Variants in SLC2A9 observed in about 807,000 individuals in gnomAD.
SLC2A9 encodes solute carrier family 2 member 9, also known as solute carrier family 2, facilitated glucose transporter member 9.
SLC2A9 carries 39 observed loss-of-function variants against 50.6 expected under a neutral mutation model. That is an observed-to-expected ratio of 0.77 (90% CI 0.60 to 1.01). SLC2A9 has a LOEUF of 1.01. SLC2A9 is among the 50% of genes least tolerant of loss of function. SLC2A9 has a pLI of 0.00. For missense variants in SLC2A9, 686 were observed against 677.6 expected (o/e 1.01, Z -0.14); for synonymous variants, 324 against 276.9 (o/e 1.17, Z -1.69).
intron 1 of SLC2A9, among the ~76,000 whole-genome samples, chr4:9,774,107 C>T (rs1276563335): frequency 5.3e-5 from 8 of 151,896 alleles, no homozygotes; most frequent in Non-Finnish European, 1.0e-4. Flanking sequence ...GATTCTTCTC[C>T]CTCAGCCTCC....
chr4:9,973,605 G>A lies in SLC2A9; in HGVS notation c.681+6987C>T, dbSNP rs191879521. Among the ~76,000 whole-genome samples the A allele has an allele frequency of 8.9e-3, 1,344 of 150,272 alleles. 18 individuals carry two copies. The highest frequency in any genetic ancestry group is 0.014 in the Non-Finnish European group (931 of 67,666). Reference sequence around the variant, plus strand: ...AAGCCATCATTCTCAGCAAACTATCGCAAGGACAAAAAACCAAACACCGCA... The same window carrying A: ...AAGCCATCATTCTCAGCAAACTATCACAAGGACAAAAAACCAAACACCGCA... On this transcript the variant is annotated intron_variant, in intron 5 of 11. Transcript: ENST00000264784.
chr4:9,817,311 C>T (rs1294215126), intron 3 of SLC2A9, among the ~76,000 whole-genome samples: 2 of 152,246 alleles, frequency 1.3e-5, no homozygotes, highest in Non-Finnish European at 2.9e-5. Context: ...GGCCATGATG[C>T]TGCCTGATAT....
chr4:9,809,831 G>A lies in SLC2A9; in HGVS notation n.421-10590C>T, dbSNP rs116469074. On this transcript the variant is annotated intron_variant and non_coding_transcript_variant, in intron 3 of 3. Coordinates refer to the SLC2A9 transcript ENST00000503280. ...CAACCTATACAACCCTAATCTAGCC[G>A]CCATCAACAAGTTTTCTTTTCTTTT... Among the ~76,000 whole-genome samples, 9 of 151,282 alleles carry A rather than the reference G, an allele frequency of 5.9e-5. No individual in the cohort carries two copies. The East Asian group carries it at 7.8e-4, about 13-fold the overall frequency.
At chr4:9,782,312 A>G (rs1417894577) in intron 3 of SLC2A9, 1 of 1,613,996 alleles carries the variant, frequency 6.2e-7, no homozygotes, top group Non-Finnish European at 8.5e-7. Flanking sequence ...GCTGCTGGTC[A>G]TGCCCTGGAA....
intron 10 of SLC2A9, among the ~76,000 whole-genome samples, chr4:9,874,661 T>A (rs576183921): frequency 6.6e-6 from 1 of 152,374 alleles, no homozygotes; most frequent in African/African-American, 2.4e-5. Flanking sequence ...TGCTTGTGAG[T>A]TGATGTAGGA....
chr4:9,943,279 A>G (rs1046128962), intron 5 of SLC2A9, among the ~76,000 whole-genome samples: 3 of 152,172 alleles, frequency 2.0e-5, no homozygotes, highest in Admixed American at 6.5e-5. Flanking sequence ...TGGTCCAATC[A>G]TCATCTCCAT....
chr4:9,879,422 G>T, intron 10 of SLC2A9: 1 of 985,266 alleles, frequency 1.0e-6, no homozygotes, highest in Non-Finnish European at 1.2e-6. Context: ...GGGGCAGGGG[G>T]CAGCTGCCTG....
chr4:9,802,311 A>T (rs534448438), intron 3 of SLC2A9, among the ~76,000 whole-genome samples: 3 of 151,612 alleles, frequency 2.0e-5, no homozygotes, highest in African/African-American at 7.3e-5. Context: ...AGAAGTAATG[A>T]ATTTCAAAGA....
At chr4:9,952,064 C>A (rs1047541810) in intron 5 of SLC2A9, among the ~76,000 whole-genome samples, 9 of 152,182 alleles carry the variant, frequency 5.9e-5, no homozygotes, top group African/African-American at 1.7e-4. Context: ...GGGTCCTGAA[C>A]CCTGGTCCTG....
At position 9,920,474 on chromosome 4, in the gene SLC2A9, G is replaced by A; in HGVS notation, c.913C>T (p.Leu305=). The A allele has an allele frequency of 1.2e-6, 2 of 1,614,178 alleles. No individual in the cohort carries two copies. Among genetic ancestry groups the A allele is most frequent in the South Asian group, 1.1e-5 (1 of 91,074 alleles). Reference sequence around the variant, plus strand: ...ACGTAGGGAGCTCTCAGCAGCTCCAGCACGGACACCAGGCGGATGCTCCTC... The same window carrying A: ...ACGTAGGGAGCTCTCAGCAGCTCCAACACGGACACCAGGCGGATGCTCCTC... ...VQRSIRLVSV[L]ELLRAPYVRW... The change falls in exon 7 of 12, where the codon CTG becomes TTG. Residue 305 remains leucine, a synonymous_variant. Coordinates refer to ENST00000264784, the MANE Select transcript of SLC2A9 (RefSeq NM_020041.3).
chr4:9,931,962 C>G lies in SLC2A9; in HGVS notation c.814+9951G>C, dbSNP rs76572082. Among the ~76,000 whole-genome samples, 4 of 14,588 alleles carry G rather than the reference C, an allele frequency of 2.7e-4. 1 individual carries two copies. Among genetic ancestry groups the G allele is most frequent in the African/African-American group, 1.1e-3 (3 of 2,654 alleles). The allele number at this position is 14,588 out of a possible 152,430, so 9.6% of individuals were successfully genotyped here. On this transcript the variant is annotated intron_variant, in intron 6 of 11. Transcript: ENST00000264784. ...TCTCTCTCTCTCTCTCTCTCTCTCTCTATATATATATATATATATATATAT... is the reference window on the plus strand; with the variant it reads ...TCTCTCTCTCTCTCTCTCTCTCTCTGTATATATATATATATATATATATAT...
rs748541141 is a variant in SLC2A9 at position 9,996,852 on chromosome 4, A to G, written c.339T>C (p.Thr113=). ...PDTLTLLWSV[T]VSIFAIGGLV... is the part of the protein sequence containing the mutation. ...GTCCACCGATGGCGAATATGGACAC[A>G]GTCACAGACCAGAGCAAAGTCAGAG... is the stretch of plus-strand genomic sequence containing the variant. The change falls in exon 3 of 12, where the codon ACT becomes ACC. Residue 113 remains threonine, a synonymous_variant. Coordinates refer to ENST00000264784, the MANE Select transcript of SLC2A9 (RefSeq NM_020041.3). 1 of 1,614,224 alleles carries G rather than the reference A, an allele frequency of 6.2e-7. No homozygotes were observed. The highest frequency in any genetic ancestry group is 8.5e-7 in the Non-Finnish European group (1 of 1,180,018).
At chr4:10,015,841 C>A (rs1036121666) in intron 2 of SLC2A9, among the ~76,000 whole-genome samples, 1 of 152,202 alleles carries the variant, frequency 6.6e-6, no homozygotes, top group African/African-American at 2.4e-5. Context: ...AAGACACTGA[C>A]GTCTCTGTAT....
At chr4:9,919,325 C>G (rs1022235991) in intron 7 of SLC2A9, among the ~76,000 whole-genome samples, 3 of 152,186 alleles carry the variant, frequency 2.0e-5, no homozygotes, top group African/African-American at 7.2e-5. Context: ...AAGGTAAAAG[C>G]AAGAAGCAAG....
intron 10 of SLC2A9, among the ~76,000 whole-genome samples, chr4:9,870,229 T>C (rs1037082548): frequency 6.6e-6 from 1 of 152,242 alleles, no homozygotes; most frequent in Non-Finnish European, 1.5e-5. Context: ...TGTGGAACTT[T>C]GTCACAGCAG....
chr4:9,792,163 C>CTTTTTTTTTTTT (rs34289788), intron 3 of SLC2A9, among the ~76,000 whole-genome samples: 11 of 77,228 alleles, frequency 1.4e-4, no homozygotes, highest in Admixed American at 3.7e-4. Flanking sequence ...TTCTATGTTT[C>CTTTTTTTTTTTT]TTTTTTTTTT....
At chr4:9,979,407 G>A (rs376224970) in intron 5 of SLC2A9, among the ~76,000 whole-genome samples, 1 of 152,174 alleles carries the variant, frequency 6.6e-6, no homozygotes, top group African/African-American at 2.4e-5. Flanking sequence ...GCCTAGAACA[G>A]TCTGGCATGA....
chr4:9,993,992 C>T (rs1427271393), intron 3 of SLC2A9, among the ~76,000 whole-genome samples: 16 of 152,226 alleles, frequency 1.1e-4, no homozygotes, highest in Non-Finnish European at 7.3e-5. Context: ...GAATGTCTCC[C>T]CCAGCTATAC....
chr4:9,802,441 C>T (rs1442369473), intron 3 of SLC2A9, among the ~76,000 whole-genome samples: 1 of 151,852 alleles, frequency 6.6e-6, no homozygotes, highest in Non-Finnish European at 1.5e-5. Context: ...GAAGGAAGGG[C>T]TCTGTGGCCG....
Sources: gnomAD v4.1 joint callset for allele counts (sites outside exome capture counted in the v4.1 genomes callset) on GRCh38, gnomAD v4.1.1 for gene constraint, MANE v1.5 for transcripts, NCBI Gene and HGNC (gene_info 2026-07-23, HGNC 2026-07-21) for gene names.